The following SUGCT variants were observed in gnomAD, a reference collection of about 807,000 sequenced individuals.
SUGCT encodes the protein succinyl-CoA:glutarate CoA-transferase.
SUGCT carries 41 observed loss-of-function variants against 55.0 expected under a neutral mutation model. The observed-to-expected ratio is 0.74, with a 90% CI of 0.58 to 0.97. SUGCT has a LOEUF of 0.97. Ranked by LOEUF, SUGCT falls within the 50% of genes least tolerant of loss-of-function variation. The pLI is 0.00. For synonymous variants in SUGCT, 187 were observed against 200.4 expected, an observed-to-expected ratio of 0.93 and a Z score of 0.56; for missense variants, 568 against 547.8, an observed-to-expected ratio of 1.04 and a Z score of -0.37.
At chr7:40,790,440 TAG>T (rs1229108049) in intron 13 of SUGCT, among the ~76,000 whole-genome samples, 2 of 152,244 alleles carry the variant, frequency 1.3e-5, no homozygotes, top group Non-Finnish European at 2.9e-5. Flanking sequence ...TATTTCTTCA[TAG>T]CAGTGTGAGA....
At chr7:40,149,897 C>T (rs1788461879) in intron 1 of SUGCT, among the ~76,000 whole-genome samples, 1 of 151,984 alleles carries the variant, frequency 6.6e-6, no homozygotes, top group African/African-American at 2.4e-5. Flanking sequence ...CCAGCCTGGG[C>T]AACAAGAGCA....
the SUGCT span, among the ~76,000 whole-genome samples, chr7:40,975,472 C>A: frequency 2.6e-5 from 4 of 152,224 alleles, no homozygotes; most frequent in African/African-American, 9.6e-5. Flanking sequence ...ACCCAACTCA[C>A]AGGAGCTTAA....
chr7:40,703,189 C>T (rs1433153744), intron 12 of SUGCT, among the ~76,000 whole-genome samples: 2 of 151,932 alleles, frequency 1.3e-5, no homozygotes, highest in East Asian at 1.9e-4. Flanking sequence ...CTCAGCCTCC[C>T]GAGTAGCTGG....
Position 40,239,810 on chromosome 7 carries a change from T to C in SUGCT, c.576+2084T>C, listed in dbSNP as rs532308229. On this transcript the variant is annotated intron_variant, in intron 7 of 13. Transcript: ENST00000335693. Reference sequence around the variant, plus strand: ...GTGCCAAACATTGCTTTATATACTTTCCATGTATTACATTAAGTAAGCTTA... The same window carrying C: ...GTGCCAAACATTGCTTTATATACTTCCCATGTATTACATTAAGTAAGCTTA... Among the ~76,000 whole-genome samples, 27 of 152,362 alleles carry C rather than the reference T, an allele frequency of 1.8e-4. No individual in the cohort carries two copies. The South Asian group carries it at 5.4e-3, about 30-fold the overall frequency.
At position 40,476,085 on chromosome 7, in the gene SUGCT, T is replaced by G. The variant is rs1790658006; in HGVS notation, c.986+16887T>G. 2.6e-5 allele frequency among the ~76,000 whole-genome samples: 4 copies of G among 152,292 alleles called. No individual in the cohort carries two copies. In the South Asian group the frequency reaches 8.3e-4, roughly 32 times the overall value. ...TAACTCTGTCATGTTGGTAAATCATTTAAATGTCTCTATGCTTCAGGCCCC... is the reference window on the plus strand; with the variant it reads ...TAACTCTGTCATGTTGGTAAATCATGTAAATGTCTCTATGCTTCAGGCCCC... On this transcript the variant is annotated intron_variant, in intron 11 of 13. Transcript: ENST00000335693.
chr7:41,008,148 G>A, the SUGCT span, among the ~76,000 whole-genome samples: 77 of 152,248 alleles, frequency 5.1e-4, no homozygotes, highest in Non-Finnish European at 1.0e-3. Context: ...GCTGGGGGAT[G>A]CACAGAAATC....
intron 12 of SUGCT, among the ~76,000 whole-genome samples, chr7:40,681,688 A>G (rs546636808): frequency 1.3e-5 from 2 of 152,302 alleles, no homozygotes; most frequent in Non-Finnish European, 2.9e-5. Context: ...CATGGACCAT[A>G]TACATTGGTT....
In SUGCT at chr7:40,135,105, G is replaced by A; in HGVS notation, c.85G>A (p.Gly29Ser). 5 of 1,556,064 alleles carry A rather than the reference G, an allele frequency of 3.2e-6. No homozygotes were observed. The highest frequency in any genetic ancestry group is 4.3e-6 in the Non-Finnish European group (5 of 1,151,026). The change falls in exon 1 of 14, where the codon GGC (glycine) becomes AGC (serine). Residue 29 changes from glycine (G) to serine (S), a missense_variant. By Grantham distance (56) the Gly-to-Ser change is moderately conservative. Coordinates refer to ENST00000335693, the MANE Select transcript of SUGCT (RefSeq NM_001193313.2). ...GGGCGGCGGGAGGGGGCTGTGGACT[G>A]GCCGCCCGCAGTCAGGTACCCTCCG... ...GRGGGRGLWTGRPQSDMNNIK... is the reference protein window; with the variant it reads ...GRGGGRGLWTSRPQSDMNNIK...
At chr7:40,425,205 T>C (rs1165114620) in intron 9 of SUGCT, among the ~76,000 whole-genome samples, 1 of 152,168 alleles carries the variant, frequency 6.6e-6, no homozygotes, top group African/African-American at 2.4e-5. Flanking sequence ...CCTTCTTGTT[T>C]CTTACCTTAT....
chr7:40,541,619 G>A (rs1794684999), intron 12 of SUGCT, among the ~76,000 whole-genome samples: 1 of 152,120 alleles, frequency 6.6e-6, no homozygotes, highest in Non-Finnish European at 1.5e-5. Context: ...ACAGAATCCA[G>A]TAATATAAAT....
chr7:40,469,522 A>T (rs80053464), intron 11 of SUGCT, among the ~76,000 whole-genome samples: 353 of 152,310 alleles, frequency 2.3e-3, no homozygotes, highest in Non-Finnish European at 3.7e-3. Flanking sequence ...ATCAGCCCGG[A>T]GGGTAAAAGA....
chr7:40,993,785 T>C, the SUGCT span, among the ~76,000 whole-genome samples: 2 of 152,204 alleles, frequency 1.3e-5, no homozygotes, highest in Admixed American at 6.5e-5. Flanking sequence ...TTCAGTTACT[T>C]GGACAAGTTA....
the SUGCT span, among the ~76,000 whole-genome samples, chr7:41,031,804 T>C: frequency 6.6e-6 from 1 of 152,196 alleles, no homozygotes; most frequent in Non-Finnish European, 1.5e-5. Context: ...ATGGGCTGCA[T>C]GCCTGGCATA....
In SUGCT at chr7:40,146,940, A is replaced by G. The variant is rs534510011; in HGVS notation, c.100+11820A>G. On this transcript the variant is annotated intron_variant, in intron 1 of 13. Coordinates refer to ENST00000335693, the MANE Select transcript of SUGCT (RefSeq NM_001193313.2). Reference sequence around the variant, plus strand: ...ACACTGTTTTCTCTTTACTACTTCTATCTCTCTCCTTCTTTCTTCCTCTCT... The same window carrying G: ...ACACTGTTTTCTCTTTACTACTTCTGTCTCTCTCCTTCTTTCTTCCTCTCT... Among the ~76,000 whole-genome samples, 11 of 150,326 alleles carry G rather than the reference A, an allele frequency of 7.3e-5. No homozygotes were observed. In the East Asian group the frequency reaches 1.4e-3, roughly 19 times the overall value.
chr7:40,625,198 TCCGG>T (rs1799469635), intron 12 of SUGCT, among the ~76,000 whole-genome samples: 1 of 152,160 alleles, frequency 6.6e-6, no homozygotes, highest in Non-Finnish European at 1.5e-5. Context: ...TCTTACCTCC[TCCGG>T]CTGCATTTTT....
At chr7:40,381,514 C>CA (rs201144918) in intron 9 of SUGCT, among the ~76,000 whole-genome samples, 40 of 151,584 alleles carry the variant, frequency 2.6e-4, no homozygotes, top group Non-Finnish European at 4.3e-4. Flanking sequence ...GTAACAACAA[C>CA]AAAAAAAACC....
chr7:40,918,147 C>G, the SUGCT span, among the ~76,000 whole-genome samples: 2 of 151,988 alleles, frequency 1.3e-5, no homozygotes, highest in East Asian at 3.9e-4. Context: ...CTCATACCCC[C>G]CTGAAAAGGG....
At chr7:40,929,679 G>C in the SUGCT span, among the ~76,000 whole-genome samples, 1 of 152,176 alleles carries the variant, frequency 6.6e-6, no homozygotes, top group East Asian at 1.9e-4. Flanking sequence ...CAGTGATGAT[G>C]AGCATTTTTT....
At chr7:40,376,842 T>C (rs1450483714) in intron 9 of SUGCT, among the ~76,000 whole-genome samples, 1 of 152,058 alleles carries the variant, frequency 6.6e-6, no homozygotes, top group Middle Eastern at 3.2e-3. Context: ...AGAACAGGTC[T>C]GCTGCTACAA....
Sources: allele counts gnomAD v4.1 joint callset (sites outside exome capture counted in the v4.1 genomes callset), GRCh38; gene constraint gnomAD v4.1.1; transcripts MANE v1.5; gene names NCBI Gene and HGNC (gene_info 2026-07-23, HGNC 2026-07-21).